The following LRRTM4 variants were observed in gnomAD, a reference collection of about 807,000 sequenced individuals.
LRRTM4 encodes the protein leucine rich repeat transmembrane neuronal 4.
Under a neutral mutation model 47.6 loss-of-function variants are expected in LRRTM4, and 25 were observed. The observed-to-expected ratio is 0.53, with a 90% CI of 0.38 to 0.73. LRRTM4 has a LOEUF of 0.73. Among genes scored for constraint, LRRTM4 ranks in the 30% least tolerant of loss-of-function variants. The probability of loss-of-function intolerance (pLI) is 0.00; values close to 1 mark genes in which losing one functional copy is unlikely to be tolerated. For synonymous variants in LRRTM4, 311 were observed against 269.5 expected (o/e 1.15, Z -1.51); for missense variants, 638 against 713.4 (o/e 0.89, Z 1.20).
intron 3 of LRRTM4, among the ~76,000 whole-genome samples, chr2:76,856,005 G>T (rs4277549): frequency 6.6e-6 from 1 of 152,060 alleles, no homozygotes; most frequent in Admixed American, 6.6e-5. Context: ...GGCCAGAAGT[G>T]GTGGCTCATG....
chr2:76,826,460 AG>A (rs1671194176), intron 3 of LRRTM4, among the ~76,000 whole-genome samples: 1 of 151,612 alleles, frequency 6.6e-6, no homozygotes, highest in African/African-American at 2.4e-5. Flanking sequence ...GGCAACACTG[AG>A]GTACTCCCTA....
chr2:77,311,022 G>A (rs1355108352), intron 3 of LRRTM4, among the ~76,000 whole-genome samples: 1 of 151,510 alleles, frequency 6.6e-6, no homozygotes, highest in East Asian at 1.9e-4. Flanking sequence ...TATTATGTGT[G>A]TGGTGTGTGT....
At chr2:76,994,398 A>T (rs929778608) in intron 3 of LRRTM4, among the ~76,000 whole-genome samples, 6 of 151,954 alleles carry the variant, frequency 3.9e-5, no homozygotes, top group Admixed American at 3.3e-4. Context: ...TTTCATGTGC[A>T]AGCATCCAAA....
chr2:77,363,662 T>A (rs1164293756), intron 3 of LRRTM4, among the ~76,000 whole-genome samples: 1 of 152,208 alleles, frequency 6.6e-6, no homozygotes, highest in Non-Finnish European at 1.5e-5. Flanking sequence ...AAATGACTAA[T>A]GAATGTGCGC....
intron 3 of LRRTM4, among the ~76,000 whole-genome samples, chr2:76,814,304 C>A (rs922693184): frequency 2.0e-5 from 3 of 151,958 alleles, no homozygotes; most frequent in Non-Finnish European, 4.4e-5. Flanking sequence ...CCAAGTGTTA[C>A]AACAAGAGAG....
At chr2:76,787,717 A>T (rs1674753390) in intron 3 of LRRTM4, among the ~76,000 whole-genome samples, 1 of 152,040 alleles carries the variant, frequency 6.6e-6, no homozygotes. Flanking sequence ...ATCCCATGGG[A>T]CTTGTTTTGC....
chr2:76,770,960 A>G (rs1221624852), intron 3 of LRRTM4, among the ~76,000 whole-genome samples: 5 of 152,190 alleles, frequency 3.3e-5, no homozygotes, highest in African/African-American at 9.7e-5. Context: ...CATGCTCCTC[A>G]TTTATACAAT....
chr2:77,208,698 G>T (rs1674209864), intron 3 of LRRTM4, among the ~76,000 whole-genome samples: 1 of 152,092 alleles, frequency 6.6e-6, no homozygotes, highest in Non-Finnish European at 1.5e-5. Context: ...GCTTGAGATT[G>T]CCAGTGTGAG....
intron 3 of LRRTM4, among the ~76,000 whole-genome samples, chr2:77,004,637 A>G (rs1677566935): frequency 6.6e-6 from 1 of 152,100 alleles, no homozygotes; most frequent in South Asian, 2.1e-4. Context: ...GGCACTGTCT[A>G]TTGGATCTGT....
intron 3 of LRRTM4, among the ~76,000 whole-genome samples, chr2:77,334,693 G>T (rs1383018994): frequency 6.6e-6 from 1 of 152,096 alleles, no homozygotes; most frequent in Admixed American, 6.6e-5. Context: ...TGTGAAAATG[G>T]ACTAATACAA....
intron 3 of LRRTM4, among the ~76,000 whole-genome samples, chr2:77,075,062 C>T (rs1680286896): frequency 6.6e-6 from 1 of 152,098 alleles, no homozygotes. Flanking sequence ...AATATTCTTG[C>T]ATAAAAATTT....
intron 3 of LRRTM4, among the ~76,000 whole-genome samples, chr2:76,962,753 A>T (rs1227930392): frequency 6.6e-6 from 1 of 150,930 alleles, no homozygotes; most frequent in Non-Finnish European, 1.5e-5. Context: ...TAAAGCAAGT[A>T]TTATGAAAGA....
intron 3 of LRRTM4, among the ~76,000 whole-genome samples, chr2:77,261,579 T>A (rs1675920299): frequency 6.6e-6 from 1 of 152,110 alleles, no homozygotes; most frequent in African/African-American, 2.4e-5. Flanking sequence ...TTATTTTTTT[T>A]AATTGCTAAA....
chr2:77,329,297 A>T (rs1670886917), intron 3 of LRRTM4, among the ~76,000 whole-genome samples: 1 of 152,222 alleles, frequency 6.6e-6, no homozygotes, highest in Admixed American at 6.5e-5. Flanking sequence ...GTTTTCATTC[A>T]GCAGATATTT....
At chr2:76,801,730 A>C (rs1023231631) in intron 3 of LRRTM4, among the ~76,000 whole-genome samples, 1 of 152,228 alleles carries the variant, frequency 6.6e-6, no homozygotes, top group Admixed American at 6.5e-5. Flanking sequence ...TCAGCAAAAT[A>C]TCAGCAAACT....
chr2:76,793,946 T>G (rs1345832822), intron 3 of LRRTM4, among the ~76,000 whole-genome samples: 1 of 152,178 alleles, frequency 6.6e-6, no homozygotes, highest in Admixed American at 6.5e-5. Context: ...TTTCTAAGAC[T>G]TCAAAATACT....
intron 3 of LRRTM4, among the ~76,000 whole-genome samples, chr2:76,784,807 T>C (rs1372636359): frequency 6.6e-6 from 1 of 152,036 alleles, no homozygotes; most frequent in Non-Finnish European, 1.5e-5. Context: ...TTATTTGTTT[T>C]CACAAAAATG....
chr2:77,011,531 TTGTGTGTGTGTGTG>T (rs56982328), intron 3 of LRRTM4, among the ~76,000 whole-genome samples: 4,026 of 144,124 alleles, frequency 0.028, 189 homozygotes, highest in African/African-American at 0.094. Context: ...GAAGAAGCAT[TTGTGTGTGTGTGTG>T]TGTGTGTGTG....
At chr2:77,453,297 TC>T (rs1381842049) in intron 3 of LRRTM4, among the ~76,000 whole-genome samples, 1 of 148,812 alleles carries the variant, frequency 6.7e-6, no homozygotes, top group East Asian at 2.1e-4. Context: ...TTCTCCTGCC[TC>T]AGCCTCTCAA....
Sources: gnomAD v4.1 joint callset for allele counts (sites outside exome capture counted in the v4.1 genomes callset) on GRCh38, gnomAD v4.1.1 for gene constraint, MANE v1.5 for transcripts, NCBI Gene and HGNC (gene_info 2026-07-23, HGNC 2026-07-21) for gene names.